The following KSR2 variants were observed in gnomAD, a reference collection of about 807,000 sequenced individuals.
KSR2 encodes kinase suppressor of ras 2.
KSR2 carries 25 observed loss-of-function variants against 107.8 expected under a neutral mutation model. That is an observed-to-expected ratio of 0.23 (90% CI 0.17 to 0.32). The LOEUF is 0.32. KSR2 is among the 10% of genes least tolerant of loss of function. The pLI is 1.00. For missense variants in KSR2, 887 were observed against 1,268.9 expected (o/e 0.70, Z 4.57); for synonymous variants, 480 against 507.0 (o/e 0.95, Z 0.71).
chr12:117,786,597 C>G (rs1043119373), intron 3 of KSR2, among the ~76,000 whole-genome samples: 3 of 152,136 alleles, frequency 2.0e-5, no homozygotes, highest in African/African-American at 7.2e-5. Flanking sequence ...AGGCAGATCC[C>G]CTGAGCTCAG....
chr12:117,739,609 C>T (rs1888095748), intron 4 of KSR2, among the ~76,000 whole-genome samples: 1 of 152,192 alleles, frequency 6.6e-6, no homozygotes, highest in African/African-American at 2.4e-5. Flanking sequence ...AACATTCATT[C>T]ATTCAACAAA....
At chr12:117,477,529 G>T (rs1357602103) in intron 16 of KSR2, among the ~76,000 whole-genome samples, 1 of 152,154 alleles carries the variant, frequency 6.6e-6, no homozygotes, top group South Asian at 2.1e-4. Context: ...GCTAAAGATT[G>T]TGATAAGCAT....
chr12:117,776,853 A>G (rs903635417), intron 3 of KSR2, among the ~76,000 whole-genome samples: 6 of 151,826 alleles, frequency 4.0e-5, no homozygotes, highest in Non-Finnish European at 8.8e-5. Context: ...CATGACCCTT[A>G]CCACTCAGTG....
At chr12:117,627,643 T>C (rs1040472999) in intron 5 of KSR2, among the ~76,000 whole-genome samples, 1 of 152,184 alleles carries the variant, frequency 6.6e-6, no homozygotes, top group Non-Finnish European at 1.5e-5. Context: ...ACTTTTTCCT[T>C]CATTTCAACC....
chr12:117,894,928 G>C (rs1292462378), intron 1 of KSR2, among the ~76,000 whole-genome samples: 1 of 151,918 alleles, frequency 6.6e-6, no homozygotes, highest in African/African-American at 2.4e-5. Flanking sequence ...AATTATAGCA[G>C]TGTGAGAATG....
chr12:117,479,150 A>G (rs868099804), intron 16 of KSR2, among the ~76,000 whole-genome samples: 25 of 152,260 alleles, frequency 1.6e-4, no homozygotes, highest in African/African-American at 6.0e-4. Flanking sequence ...TAACCCCTCC[A>G]TCTCACACAT....
intron 8 of KSR2, 65 bp from the exon 9 acceptor site, chr12:117,555,358 G>A (rs1432300343): frequency 1.8e-5 from 29 of 1,573,538 alleles, no homozygotes; most frequent in Non-Finnish European, 2.2e-5. Flanking sequence ...ATGCCAGGAC[G>A]GCATAGCTCA....
Position 117,484,496 on chromosome 12 carries a change from C to T in KSR2, c.2370G>A (p.Lys790=). 1 of 1,613,970 alleles carries T rather than the reference C, an allele frequency of 6.2e-7. No individual in the cohort carries two copies. The highest frequency in any genetic ancestry group is 8.5e-7 in the Non-Finnish European group (1 of 1,179,850). ...KGILHKDLKS[K]NVFYDNGKVV... is the part of the protein sequence containing the mutation. Reference sequence around the variant, plus strand: ...CTTTGCCGTTGTCATAGAAGACGTTCTTTGACTTGAGGTCCTTGTGTAGGA... The same window carrying T: ...CTTTGCCGTTGTCATAGAAGACGTTTTTTGACTTGAGGTCCTTGTGTAGGA... Residue 790 remains lysine, a synonymous_variant, in exon 16 of 20, where the codon AAG becomes AAA. Coordinates refer to ENST00000339824, the MANE Select transcript of KSR2 (RefSeq NM_173598.6).
intron 3 of KSR2, among the ~76,000 whole-genome samples, chr12:117,847,958 G>A (rs1892762042): frequency 2.0e-5 from 3 of 152,176 alleles, no homozygotes; most frequent in Non-Finnish European, 2.9e-5. Flanking sequence ...AAACACACGT[G>A]GGAGGGGGAA....
At chr12:117,939,585 G>A (rs544387842) in intron 1 of KSR2, among the ~76,000 whole-genome samples, 29 of 152,164 alleles carry the variant, frequency 1.9e-4, no homozygotes, top group African/African-American at 5.5e-4. Flanking sequence ...GGTGGCGGAC[G>A]CCTGTAATCT....
chr12:117,616,323 C>G (rs912975604), intron 5 of KSR2, among the ~76,000 whole-genome samples: 5 of 152,174 alleles, frequency 3.3e-5, no homozygotes, highest in African/African-American at 1.2e-4. Context: ...GTCCAGCCCA[C>G]AAGGCCTATG....
At position 117,717,821 on chromosome 12, in the gene KSR2, G is replaced by T. The variant is rs73396684; in HGVS notation, c.986+43190C>A. Among the ~76,000 whole-genome samples, 562 of 152,190 alleles carry T rather than the reference G, an allele frequency of 3.7e-3. 4 individuals are homozygous for T. Among genetic ancestry groups the T allele is most frequent in the African/African-American group, 0.013 (529 of 41,534 alleles). ...CAAGACGCCCAAGCTGACTCACAAG[G>T]GGCCAATCTCAGGACTTTTGCAGCA... is the stretch of plus-strand genomic sequence containing the variant. On this transcript the variant is annotated intron_variant, in intron 4 of 19. Transcript: ENST00000339824.
At chr12:117,948,447 G>A (rs571739180) in intron 1 of KSR2, among the ~76,000 whole-genome samples, 1 of 150,056 alleles carries the variant, frequency 6.7e-6, no homozygotes, top group Non-Finnish European at 1.5e-5. Flanking sequence ...CCCAGATCGC[G>A]CCATTGCACT....
At chr12:117,967,443 G>A (rs1314119177) in intron 1 of KSR2, among the ~76,000 whole-genome samples, 1 of 151,918 alleles carries the variant, frequency 6.6e-6, no homozygotes, top group Non-Finnish European at 1.5e-5. Flanking sequence ...ACAGCTCACT[G>A]CATCAAAACG....
rs547511039 is a variant in KSR2, at chr12:117,526,158, C to A, written c.1851+913G>T. ...CCCAGCACTATTGGATCAAAATATC[C>A]GCAGGCCAGGACCAGGAATCTGCAT... On this transcript the variant is annotated intron_variant, in intron 13 of 19. Coordinates refer to ENST00000339824, the MANE Select transcript of KSR2 (RefSeq NM_173598.6). Among the ~76,000 whole-genome samples the A allele has an allele frequency of 1.4e-4, 21 of 152,308 alleles. No individual in the cohort carries two copies. The East Asian group carries it at 3.7e-3, about 27-fold the overall frequency.
At chr12:117,793,423 GCA>G (rs375487365) in intron 3 of KSR2, among the ~76,000 whole-genome samples, 107 of 127,978 alleles carry the variant, frequency 8.4e-4, no homozygotes, top group African/African-American at 2.5e-3. Context: ...ACACCAAAAT[GCA>G]CACACACCAA....
At chr12:117,924,027 C>CAA (rs1566083766) in intron 1 of KSR2, among the ~76,000 whole-genome samples, 44 of 151,012 alleles carry the variant, frequency 2.9e-4, no homozygotes, top group African/African-American at 9.0e-4. Flanking sequence ...TACAGGCATG[C>CAA]GCCACCACGC....
chr12:117,462,496 G>A lies in KSR2; in HGVS notation c.*4703C>T, dbSNP rs1870953439. On this transcript the variant is annotated 3_prime_UTR_variant, in exon 20 of 20. Transcript: ENST00000339824. ...AGCCAAGGAATGCCAATGATGACCA[G>A]GAAAGCACCAGGAATTCAGAAGCCG... 1 of 152,194 alleles carries A rather than the reference G, an allele frequency of 6.6e-6. No homozygotes were observed. Among genetic ancestry groups the A allele is most frequent in the African/African-American group, 2.4e-5 (1 of 41,448 alleles). The allele number at this position is 152,194 out of a possible 1,614,324, so 9.4% of individuals were successfully genotyped here.
At chr12:117,747,530 C>T (rs1027681203) in intron 4 of KSR2, among the ~76,000 whole-genome samples, 20 of 152,012 alleles carry the variant, frequency 1.3e-4, no homozygotes, top group African/African-American at 4.6e-4. Context: ...CAGCAAACCA[C>T]CATGGCACAT....
Sources: gnomAD v4.1 joint callset for allele counts (sites outside exome capture counted in the v4.1 genomes callset) on GRCh38, gnomAD v4.1.1 for gene constraint, MANE v1.5 for transcripts, NCBI Gene and HGNC (gene_info 2026-07-23, HGNC 2026-07-21) for gene names.